The following CD72 variants were observed in gnomAD, a reference collection of about 807,000 sequenced individuals.
The protein encoded by CD72 is B-cell differentiation antigen CD72.
A neutral mutation model predicts 50.7 loss-of-function variants in CD72; 28 were observed. The ratio of observed to expected loss-of-function variants is 0.55; its 90% CI spans 0.41 to 0.76. CD72 has a LOEUF of 0.76. CD72 is among the 30% of genes least tolerant of loss of function. The pLI is 0.00. For synonymous variants in CD72, 176 were observed against 171.2 expected (o/e 1.03, Z -0.22); for missense variants, 403 against 420.6 (o/e 0.96, Z 0.37).
At chr9:35,610,936 AAAAT>A (rs1822971339) in intron 7 of CD72, among the ~76,000 whole-genome samples, 183 bp from the exon 8 acceptor site, 1 of 152,208 alleles carries the variant, frequency 6.6e-6, no homozygotes, top group African/African-American at 2.4e-5. Flanking sequence ...AGCAGAGGGA[AAAAT>A]AACTCGAGAT....
intron 1 of CD72, among the ~76,000 whole-genome samples, chr9:35,635,040 G>T (rs963353782): frequency 9.9e-5 from 15 of 152,164 alleles, no homozygotes; most frequent in Non-Finnish European, 1.8e-4. Context: ...CCTTGGCTGG[G>T]TATAGGTTGC....
chr9:35,642,906 G>A (rs1353398130), intron 1 of CD72: 2 of 152,046 alleles, frequency 1.3e-5, no homozygotes, highest in Admixed American at 6.6e-5. Flanking sequence ...TTGGATTCCG[G>A]CCCTCAAACC....
chr9:35,610,728 T>A lies in CD72; in HGVS notation c.976A>T (p.Asn326Tyr). The stretch of plus-strand genomic sequence containing the variant: ...CATGACCAAGTTTTATGTACCTTGT[T>A]ACATTTTGAGCTTTGAGCATAAGTC... ...TRTYAQSSKC[N>Y]KVHKTWSWWT... The change falls in exon 8 of 9, where the codon AAC (asparagine) becomes TAC (tyrosine). Residue 326 changes from asparagine (N) to tyrosine (Y), a missense_variant. Asn to Tyr is a moderately radical substitution (Grantham distance 143). Transcript: ENST00000259633. The A allele has an allele frequency of 6.2e-7, 1 of 1,613,090 alleles. No homozygotes were observed. Among genetic ancestry groups the A allele is most frequent in the Non-Finnish European group, 8.5e-7 (1 of 1,179,250 alleles).
chr9:35,633,246 T>C (rs1253133138), intron 1 of CD72, among the ~76,000 whole-genome samples: 2 of 151,726 alleles, frequency 1.3e-5, no homozygotes, highest in African/African-American at 4.8e-5. Context: ...CTGGGCCTTC[T>C]TAGTATTTTT....
At chr9:35,617,803 C>T (rs1001465602) in intron 2 of CD72, among the ~76,000 whole-genome samples, 1 of 152,150 alleles carries the variant, frequency 6.6e-6, no homozygotes, top group African/African-American at 2.4e-5. Flanking sequence ...TGGGGGCGCA[C>T]GCCTGCAATC....
chr9:35,641,281 G>A (rs1382834898), intron 1 of CD72, among the ~76,000 whole-genome samples: 2 of 152,152 alleles, frequency 1.3e-5, no homozygotes, highest in Non-Finnish European at 2.9e-5. Context: ...TGCATCTGGG[G>A]CTCCATTTGA....
At chr9:35,641,013 C>T (rs1293929070) in intron 1 of CD72, among the ~76,000 whole-genome samples, 1 of 152,228 alleles carries the variant, frequency 6.6e-6, no homozygotes, top group Non-Finnish European at 1.5e-5. Context: ...AGTCACCTTC[C>T]CAGCTACGCT....
chr9:35,610,368 C>G (rs1455090338), intron 8 of CD72, 68 bp from the exon 9 acceptor site: 3 of 424,448 alleles, frequency 7.1e-6, no homozygotes, highest in Non-Finnish European at 1.3e-5. Context: ...CTCACCCCAT[C>G]TCCTCCTCAG....
At chr9:35,642,763 A>T (rs1410025667) in intron 1 of CD72, 1 of 152,144 alleles carries the variant, frequency 6.6e-6, no homozygotes, top group Non-Finnish European at 1.5e-5. Flanking sequence ...ATTTCGCTGT[A>T]CCTGGGAATC....
intron 1 of CD72, among the ~76,000 whole-genome samples, chr9:35,640,705 C>T (rs1362129931): frequency 1.3e-5 from 2 of 152,118 alleles, no homozygotes; most frequent in Non-Finnish European, 1.5e-5. Context: ...CAGTGGTGGA[C>T]GGGGAGCGAA....
At chr9:35,623,308 C>A (rs1266193725), upstream of CD72, among the ~76,000 whole-genome samples, 1 of 152,000 alleles carries the variant, frequency 6.6e-6, no homozygotes, top group East Asian at 1.9e-4. Flanking sequence ...GCCCAGCCTG[C>A]TTATTTTACA....
At chr9:35,617,897 C>A in intron 2 of CD72, 117 bp downstream of exon 2, 1 of 748,340 alleles carries the variant, frequency 1.3e-6, no homozygotes, top group Non-Finnish European at 2.4e-6. Context: ...CACCACTGCA[C>A]TCCAGCCTGA....
chr9:35,646,619 T>C (rs1823396394), exon 1 of CD72: 1 of 152,208 alleles, frequency 6.6e-6, no homozygotes, highest in Non-Finnish European at 1.5e-5. Context: ...GAATCCGGGC[T>C]GGGGGACGGA....
In CD72 at chr9:35,616,696, G is replaced by A. The variant is rs778900628; in HGVS notation, c.263-7C>T. On this transcript the variant is annotated splice_region_variant and splice_polypyrimidine_tract_variant and intron_variant, in intron 3 of 8. Coordinates refer to ENST00000259633, the MANE Select transcript of CD72 (RefSeq NM_001782.3). ...CGCAGGCAGGTTGTGCGGCCTTAGG[G>A]GGACAGTGGGATGGATGAGGGCAGT... 33 of 1,610,040 alleles carry A rather than the reference G, an allele frequency of 2.0e-5. No individual in the cohort carries two copies. The South Asian group carries it at 3.4e-4, about 17-fold the overall frequency.
chr9:35,621,641 C>T (rs910000578), upstream of CD72, among the ~76,000 whole-genome samples: 2 of 152,124 alleles, frequency 1.3e-5, no homozygotes, highest in South Asian at 2.1e-4. Context: ...AGAGATTATC[C>T]TGTTTTATCT....
chr9:35,616,985 G>A, intron 3 of CD72, 191 bp downstream of exon 3: 1 of 1,443,474 alleles, frequency 6.9e-7, no homozygotes, highest in Non-Finnish European at 9.1e-7. Context: ...GGGACCATCC[G>A]CAGGGGGGCG....
chr9:35,616,352 C>T, intron 4 of CD72, 74 bp from the exon 5 acceptor site: 1 of 1,215,046 alleles, frequency 8.2e-7, no homozygotes, highest in Non-Finnish European at 1.2e-6. Flanking sequence ...AGCATCAGCC[C>T]TTTTTCTGCT....
chr9:35,621,748 C>T (rs374756688), upstream of CD72, among the ~76,000 whole-genome samples: 22 of 152,270 alleles, frequency 1.4e-4, no homozygotes, highest in Middle Eastern at 3.4e-3. Context: ...GCCAGAGAGA[C>T]GCCACAGGAG....
Position 35,618,359 on chromosome 9 carries a change from GC to G in CD72, c.-57del. On this transcript the variant is annotated 5_prime_UTR_variant, in exon 1 of 9. Coordinates refer to ENST00000259633, the MANE Select transcript of CD72 (RefSeq NM_001782.3). ...TCCCTGTCATCCACTGTCCTCCCTT[GC>G]CCCTCTCGTCTCTGTCCGTTTACAA... 1.1e-5 allele frequency: 17 copies of G among 1,610,188 alleles called. No homozygotes were observed. Among genetic ancestry groups the G allele is most frequent in the Non-Finnish European group, 1.4e-5 (17 of 1,178,132 alleles).
Sources: allele counts gnomAD v4.1 joint callset (sites outside exome capture counted in the v4.1 genomes callset), GRCh38; gene constraint gnomAD v4.1.1; transcripts MANE v1.5; gene names NCBI Gene and HGNC (gene_info 2026-07-23, HGNC 2026-07-21).